SLC35F3: variants seen among roughly 807,000 people sequenced by gnomAD.
SLC35F3 encodes the protein putative thiamine transporter SLC35F3.
Under a neutral mutation model 49.9 loss-of-function variants are expected in SLC35F3, and 25 were observed. That is an observed-to-expected ratio of 0.50 (90% CI 0.37 to 0.70). The LOEUF is 0.70. SLC35F3 is among the 30% of genes least tolerant of loss of function. The pLI is 0.00. For synonymous variants in SLC35F3, 275 were observed against 265.4 expected, an observed-to-expected ratio of 1.04 and a Z score of -0.35; for missense variants, 525 against 639.8, an observed-to-expected ratio of 0.82 and a Z score of 1.94.
chr1:233,946,545 AT>A (rs576033781), intron 2 of SLC35F3, among the ~76,000 whole-genome samples: 2,887 of 152,286 alleles, frequency 0.019, 71 homozygotes, highest in African/African-American at 0.065. Flanking sequence ...TTCTTATTAA[AT>A]TTTTTTCTTA....
intron 2 of SLC35F3, among the ~76,000 whole-genome samples, chr1:234,033,301 TG>T (rs1450754815): frequency 1.3e-5 from 2 of 152,248 alleles, no homozygotes; most frequent in Non-Finnish European, 2.9e-5. Context: ...TCCCACTCTG[TG>T]GGTTGTCTGT....
At chr1:233,931,947 G>A (rs567972348) in intron 2 of SLC35F3, among the ~76,000 whole-genome samples, 1 of 152,298 alleles carries the variant, frequency 6.6e-6, no homozygotes, top group African/African-American at 2.4e-5. Context: ...TATACACCAT[G>A]GAATACTATG....
intron 2 of SLC35F3, among the ~76,000 whole-genome samples, chr1:234,173,185 C>T (rs16842704): frequency 0.021 from 3,217 of 152,246 alleles, 124 homozygotes; most frequent in African/African-American, 0.073. Context: ...GGCTGGAGTA[C>T]GAACTGCTTT....
At chr1:234,072,508 C>T (rs977816488) in intron 2 of SLC35F3, among the ~76,000 whole-genome samples, 4 of 152,100 alleles carry the variant, frequency 2.6e-5, no homozygotes, top group Non-Finnish European at 5.9e-5. Flanking sequence ...TGTTAGGTAG[C>T]GTTTAATACG....
At chr1:233,920,736 T>C (rs550468779) in intron 2 of SLC35F3, among the ~76,000 whole-genome samples, 11 of 152,330 alleles carry the variant, frequency 7.2e-5, no homozygotes, top group African/African-American at 2.6e-4. Context: ...TCAGAACTTC[T>C]CTCACCCTCT....
intron 2 of SLC35F3, among the ~76,000 whole-genome samples, chr1:234,070,575 G>T (rs1025061117): frequency 6.6e-6 from 1 of 152,102 alleles, no homozygotes; most frequent in Non-Finnish European, 1.5e-5. Context: ...CTGTCCCATA[G>T]ACAAATCTAA....
chr1:234,081,574 T>C (rs1345324213), intron 2 of SLC35F3, among the ~76,000 whole-genome samples: 1 of 152,160 alleles, frequency 6.6e-6, no homozygotes, highest in African/African-American at 2.4e-5. Flanking sequence ...TGTCTCTGAC[T>C]GGAGTTACCT....
chr1:234,053,712 C>T (rs988687626), intron 2 of SLC35F3, among the ~76,000 whole-genome samples: 6 of 152,096 alleles, frequency 3.9e-5, no homozygotes, highest in Admixed American at 1.3e-4. Flanking sequence ...TTTGCTCATT[C>T]GTTGATGCAG....
At chr1:234,269,814 G>A (rs1177726224) in intron 3 of SLC35F3, among the ~76,000 whole-genome samples, 3 of 151,964 alleles carry the variant, frequency 2.0e-5, no homozygotes, top group Non-Finnish European at 4.4e-5. Flanking sequence ...TTTAAAAAAT[G>A]GCTGGCACCC....
chr1:234,019,346 C>G (rs1457822395), intron 2 of SLC35F3, among the ~76,000 whole-genome samples: 1 of 150,856 alleles, frequency 6.6e-6, no homozygotes, highest in African/African-American at 2.5e-5. Context: ...TGTGTATGTG[C>G]ATGTATATGT....
At chr1:234,006,045 C>T (rs1331536459) in intron 2 of SLC35F3, among the ~76,000 whole-genome samples, 5 of 152,096 alleles carry the variant, frequency 3.3e-5, no homozygotes, top group Non-Finnish European at 5.9e-5. Flanking sequence ...TTCACTACCT[C>T]GATACTTCAG....
At chr1:234,029,741 G>C (rs1388283613) in intron 2 of SLC35F3, among the ~76,000 whole-genome samples, 1 of 152,132 alleles carries the variant, frequency 6.6e-6, no homozygotes, top group East Asian at 1.9e-4. Flanking sequence ...ACATGCCTAT[G>C]GTGCTGGCTA....
intron 2 of SLC35F3, among the ~76,000 whole-genome samples, chr1:234,053,125 G>A (rs1229780152): frequency 2.0e-5 from 3 of 152,192 alleles, no homozygotes; most frequent in African/African-American, 4.8e-5. Context: ...TTGATTTCGG[G>A]TGGAGAGTTC....
At chr1:233,996,210 G>A (rs76631163) in intron 2 of SLC35F3, among the ~76,000 whole-genome samples, 3 of 152,234 alleles carry the variant, frequency 2.0e-5, no homozygotes, top group East Asian at 1.9e-4. Context: ...AAAAATTATC[G>A]TTGTTCCCTA....
chr1:234,270,655 C>G (rs1668083566), intron 3 of SLC35F3, among the ~76,000 whole-genome samples: 1 of 152,216 alleles, frequency 6.6e-6, no homozygotes, highest in Admixed American at 6.5e-5. Context: ...GAGGTCCGTG[C>G]TGGCCCAGCC....
intron 3 of SLC35F3, among the ~76,000 whole-genome samples, chr1:234,263,079 T>TG (rs930328145): frequency 8.6e-5 from 13 of 151,988 alleles, no homozygotes; most frequent in African/African-American, 2.7e-4. Context: ...AGACTGCTGG[T>TG]GAAAAAAAAG....
chr1:234,315,534 T>G (rs1202239562), intron 4 of SLC35F3, among the ~76,000 whole-genome samples: 2 of 152,358 alleles, frequency 1.3e-5, no homozygotes, highest in Non-Finnish European at 2.9e-5. Context: ...GAGCCTAGGT[T>G]TTCATGTCTA....
chr1:234,012,903 C>T (rs951045897), intron 2 of SLC35F3, among the ~76,000 whole-genome samples: 4 of 152,000 alleles, frequency 2.6e-5, no homozygotes, highest in Non-Finnish European at 5.9e-5. Context: ...ACTCTAATAC[C>T]CCACTACCAA....
chr1:233,992,559 C>T (rs1276421433), intron 2 of SLC35F3, among the ~76,000 whole-genome samples: 1 of 152,190 alleles, frequency 6.6e-6, no homozygotes. Flanking sequence ...AAAGAGAGAA[C>T]TCACTCACTA....
Sources: allele counts gnomAD v4.1 joint callset (sites outside exome capture counted in the v4.1 genomes callset), GRCh38; gene constraint gnomAD v4.1.1; transcripts MANE v1.5; gene names NCBI Gene and HGNC (gene_info 2026-07-23, HGNC 2026-07-21).